Variants in CFHR3 observed in about 807,000 individuals in gnomAD.
CFHR3 encodes the protein complement factor H related 3, also known as complement factor H-related protein 3.
CFHR3 carries 22 observed loss-of-function variants against 36.0 expected under a neutral mutation model. That is an observed-to-expected ratio of 0.61 (90% confidence interval 0.44 to 0.87). The LOEUF is 0.87. Ranked by LOEUF, CFHR3 falls within the 40% of genes least tolerant of loss-of-function variation. The probability of loss-of-function intolerance (pLI) is 0.00; values close to 1 mark genes in which losing one functional copy is unlikely to be tolerated. For synonymous variants in CFHR3, 97 were observed against 137.4 expected, an observed-to-expected ratio of 0.71 and a Z score of 2.06; for missense variants, 276 against 401.3, an observed-to-expected ratio of 0.69 and a Z score of 2.67.
Position 196,786,638 on chromosome 1 carries a change from G to A in CFHR3, c.431-1578G>A, listed in dbSNP as rs141451798. On this transcript the variant is annotated intron_variant, in intron 3 of 5. Transcript: ENST00000367425. ...GAGCGATATAATCTCCTGGTGTGCCGTTTTTTAAGCCCGTGGGAAAAGCGC... is the reference window on the plus strand; with the variant it reads ...GAGCGATATAATCTCCTGGTGTGCCATTTTTTAAGCCCGTGGGAAAAGCGC... Among the ~76,000 whole-genome samples the A allele has an allele frequency of 8.0e-3, 1,097 of 136,720 alleles. 282 individuals carry two copies. Among genetic ancestry groups the A allele is most frequent in the African/African-American group, 0.032 (1,044 of 32,650 alleles). 89.7% of individuals were successfully genotyped at this position (136,720 alleles called of 152,430 possible).
At chr1:196,782,415 T>C (rs1558198485) in intron 3 of CFHR3, among the ~76,000 whole-genome samples, 1 of 137,342 alleles carries the variant, frequency 7.3e-6, no homozygotes, top group Non-Finnish European at 1.5e-5. Flanking sequence ...TTTCATGATA[T>C]TGATTCCTCC....
Position 196,793,976 on chromosome 1 carries a change from AT to A in CFHR3, c.*465del, listed in dbSNP as rs1369044401. ...CAGTTAACCAAATAGGGTCATTTTT[AT>A]TAAAAGTAGTGTTTCCTGGCAAACA... On this transcript the variant is annotated 3_prime_UTR_variant, in exon 6 of 6. Transcript: ENST00000367425. 2 of 144,562 alleles carry A rather than the reference AT, an allele frequency of 1.4e-5. 1 individual carries two copies. The highest frequency in any genetic ancestry group is 2.9e-5 in the Non-Finnish European group (2 of 69,490). 9.0% of individuals were successfully genotyped at this position (144,562 alleles called of 1,614,324 possible). A position where few individuals can be genotyped will look rare whatever the true frequency, so the allele number is the denominator to read the frequency against.
chr1:196,793,459 A>G lies in CFHR3; in HGVS notation c.939A>G (p.Leu313=), dbSNP rs751582754. ...KLGYNANTSI[L]SFQAVCREGI... ...GATATAATGCAAATACATCAATTCTATCATTTCAAGCAGTGTGTCGGGAAG... is the reference window on the plus strand; with the variant it reads ...GATATAATGCAAATACATCAATTCTGTCATTTCAAGCAGTGTGTCGGGAAG... The change falls in exon 6 of 6, where the codon CTA becomes CTG. Residue 313 remains leucine, a synonymous_variant. Coordinates refer to ENST00000367425, the MANE Select transcript of CFHR3 (RefSeq NM_021023.6). 2 of 1,527,324 alleles carry G rather than the reference A, an allele frequency of 1.3e-6. No homozygotes were observed. Among genetic ancestry groups the G allele is most frequent in the South Asian group, 1.2e-5 (1 of 80,524 alleles). The allele number at this position is 1,527,324 out of a possible 1,614,324, so 94.6% of individuals were successfully genotyped here.
intron 1 of CFHR3, among the ~76,000 whole-genome samples, chr1:196,775,694 T>C (rs1653688736): frequency 7.3e-6 from 1 of 137,118 alleles, no homozygotes; most frequent in Non-Finnish European, 1.5e-5. Flanking sequence ...GCCTTGCATA[T>C]TAAAGAACTA....
In CFHR3 at chr1:196,793,657, T is replaced by C; in HGVS notation, c.*144T>C. On this transcript the variant is annotated 3_prime_UTR_variant, in exon 6 of 6. Transcript: ENST00000367425. ...GAAAATTAATATAATAGTTTCAATT[T>C]GCAACTTAATATATTCTCAAAAATA... is the stretch of plus-strand genomic sequence containing the variant. The C allele has an allele frequency of 1.3e-6, 1 of 777,506 alleles. No homozygotes were observed. The highest frequency in any genetic ancestry group is 1.9e-6 in the Non-Finnish European group (1 of 513,670). The allele number at this position is 777,506 out of a possible 1,614,324, so 48.2% of individuals were successfully genotyped here. A position where few individuals can be genotyped will look rare whatever the true frequency, so the allele number is the denominator to read the frequency against.
chr1:196,777,597 T>A (rs1247767500), intron 1 of CFHR3, among the ~76,000 whole-genome samples: 1 of 137,156 alleles, frequency 7.3e-6, no homozygotes, highest in African/African-American at 3.0e-5. Flanking sequence ...AATTTCCCTA[T>A]GAAATTCCAG....
At chr1:196,778,439 T>C (rs1243683643) in intron 1 of CFHR3, among the ~76,000 whole-genome samples, 1 of 137,260 alleles carries the variant, frequency 7.3e-6, no homozygotes, top group East Asian at 2.0e-4. Flanking sequence ...CTATCACTTG[T>C]TCCAGAATTA....
chr1:196,787,623 C>T (rs1317372863), intron 3 of CFHR3, among the ~76,000 whole-genome samples: 1 of 136,522 alleles, frequency 7.3e-6, no homozygotes, highest in African/African-American at 3.1e-5. Flanking sequence ...AGAACAAATA[C>T]ATTGCTAATA....
At chr1:196,784,601 T>C (rs1654110759) in intron 3 of CFHR3, among the ~76,000 whole-genome samples, 1 of 136,260 alleles carries the variant, frequency 7.3e-6, no homozygotes, top group South Asian at 2.6e-4. Flanking sequence ...TTAAAGTTTG[T>C]TTCATCAGAG....
intron 3 of CFHR3, among the ~76,000 whole-genome samples, chr1:196,781,299 T>C (rs1432812595): frequency 1.5e-5 from 2 of 135,662 alleles, no homozygotes; most frequent in Non-Finnish European, 3.1e-5. Flanking sequence ...TGATTTATAG[T>C]CCTTTGGGTA....
At chr1:196,782,107 A>T (rs1157864391) in intron 3 of CFHR3, among the ~76,000 whole-genome samples, 1 of 136,720 alleles carries the variant, frequency 7.3e-6, no homozygotes, top group African/African-American at 3.1e-5. Flanking sequence ...AAGATCAGAT[A>T]GTTGTAGATA....
intron 1 of CFHR3, among the ~76,000 whole-genome samples, chr1:196,776,288 C>A (rs1403715100): frequency 1.5e-5 from 2 of 136,350 alleles, no homozygotes; most frequent in South Asian, 2.5e-4. Context: ...TAAACTTGAG[C>A]AAAATGTCTT....
rs1654299550 is a variant in CFHR3, at chr1:196,788,489, T to C, written c.613+91T>C. Reference sequence around the variant, plus strand: ...TTTTACTTAAAAATATAGAAAACAATTTTAGGAGTAAAGAGATACAAATAC... The same window carrying C: ...TTTTACTTAAAAATATAGAAAACAACTTTAGGAGTAAAGAGATACAAATAC... On this transcript the variant is annotated intron_variant, in intron 4 of 5. Coordinates refer to ENST00000367425, the MANE Select transcript of CFHR3 (RefSeq NM_021023.6). The C allele has an allele frequency of 1.1e-5, 16 of 1,475,430 alleles. 2 individuals are homozygous for C. The highest frequency in any genetic ancestry group is 1.4e-5 in the Non-Finnish European group (15 of 1,096,460). 91.4% of individuals were successfully genotyped at this position (1,475,430 alleles called of 1,614,324 possible).
In CFHR3 at chr1:196,791,295, C is replaced by A. The variant is rs555640422; in HGVS notation, c.796+1068C>A. Among the ~76,000 whole-genome samples the A allele has an allele frequency of 3.7e-5, 5 of 136,288 alleles. 1 individual carries two copies. In the South Asian group the frequency reaches 1.3e-3, roughly 35 times the overall value. The allele number at this position is 136,288 out of a possible 152,430, so 89.4% of individuals were successfully genotyped here. A position where few individuals can be genotyped will look rare whatever the true frequency, so the allele number is the denominator to read the frequency against. ...AATTTTGTCCCCCAAGTACTATGAA[C>A]TTGAAGCAACACAACTCAAAAAATA... On this transcript the variant is annotated intron_variant, in intron 5 of 5. Transcript: ENST00000367425.
In CFHR3 at chr1:196,779,896, A is replaced by G; in HGVS notation, c.353A>G (p.Tyr118Cys). The G allele has an allele frequency of 6.5e-7, 1 of 1,533,584 alleles. No individual in the cohort carries two copies. 95.0% of individuals were successfully genotyped at this position (1,533,584 alleles called of 1,614,324 possible). A position where few individuals can be genotyped will look rare whatever the true frequency, so the allele number is the denominator to read the frequency against. The change falls in exon 3 of 6, where the codon TAC becomes TGC. Residue 118 changes from tyrosine (Y) to cysteine (C), a missense_variant. Physicochemically the swap from Tyr to Cys is radical, Grantham distance 194. Around this residue, in one of 3 missense-constraint regions of CFHR3, gnomAD observed 178 missense variants for 247.2 expected, o/e 0.72. Transcript: ENST00000367425. ...NSTEVACHPGYGLPKAQTTVT... is the reference protein window; with the variant it reads ...NSTEVACHPGCGLPKAQTTVT... ...ACAGAAGTTGCCTGCCATCCTGGCT[A>G]CGGTCTTCCAAAAGCGCAGACCACA...
At position 196,786,671 on chromosome 1, in the gene CFHR3, G is replaced by T. The variant is rs111994907; in HGVS notation, c.431-1545G>T. 2.9e-5 allele frequency among the ~76,000 whole-genome samples: 4 copies of T among 135,674 alleles called. 1 individual carries two copies. Among genetic ancestry groups the T allele is most frequent in the African/African-American group, 1.2e-4 (4 of 32,168 alleles). 89.0% of individuals were successfully genotyped at this position (135,674 alleles called of 152,430 possible). ...AGCCCGTGGGAAAAGCGCAGTATTA[G>T]GGTGGGAGTGACCCGATTTTCCAGG... On this transcript the variant is annotated intron_variant, in intron 3 of 5. Transcript: ENST00000367425.
intron 2 of CFHR3, 66 bp downstream of exon 2, chr1:196,779,422 T>A: frequency 8.3e-7 from 1 of 1,198,364 alleles, no homozygotes; most frequent in East Asian, 2.3e-5. Flanking sequence ...GGAGAGCACA[T>A]AATTGATTAC....
intron 3 of CFHR3, among the ~76,000 whole-genome samples, chr1:196,781,701 A>G (rs1225138082): frequency 2.2e-5 from 3 of 134,836 alleles, no homozygotes; most frequent in African/African-American, 9.5e-5. Context: ...TCTGGATATT[A>G]GCCCTTTGTC....
At chr1:196,783,806 A>T (rs1654071523) in intron 3 of CFHR3, among the ~76,000 whole-genome samples, 1 of 134,814 alleles carries the variant, frequency 7.4e-6, no homozygotes, top group African/African-American at 3.2e-5. Flanking sequence ...TATTTCCTTC[A>T]GTTCTCCTCT....
Sources: allele counts gnomAD v4.1 joint callset (sites outside exome capture counted in the v4.1 genomes callset), GRCh38; gene constraint gnomAD v4.1.1; regional missense constraint gnomAD v4.1.1; transcripts MANE v1.5; gene names NCBI Gene and HGNC (gene_info 2026-07-23, HGNC 2026-07-21).